Variants in PTPRD observed in about 807,000 individuals in gnomAD.
PTPRD encodes receptor-type tyrosine-protein phosphatase delta.
A neutral mutation model predicts 214.5 loss-of-function variants in PTPRD; 34 were observed. The ratio of observed to expected loss-of-function variants is 0.16; its 90% CI spans 0.12 to 0.21. The LOEUF (loss-of-function observed/expected upper bound fraction) is 0.21. PTPRD is among the 10% of genes least tolerant of loss of function. PTPRD has a pLI of 1.00. For synonymous variants in PTPRD, 1,128 were observed against 845.7 expected, an observed-to-expected ratio of 1.33 and a Z score of -5.79; for missense variants, 2,545 against 2,398.7, an observed-to-expected ratio of 1.06 and a Z score of -1.27.
At chr9:9,276,013 G>A (rs1421074442) in intron 9 of PTPRD, among the ~76,000 whole-genome samples, 2 of 151,244 alleles carry the variant, frequency 1.3e-5, no homozygotes, top group Admixed American at 6.6e-5. Flanking sequence ...CAAATTTCTC[G>A]GGATAATAAA....
intron 7 of PTPRD, among the ~76,000 whole-genome samples, chr9:9,593,614 C>T (rs2092988241): frequency 6.6e-6 from 1 of 151,738 alleles, no homozygotes; most frequent in Admixed American, 6.6e-5. Context: ...TGGAGGCAGC[C>T]CCACAGAGCA....
chr9:8,727,901 G>T (rs1335295594), intron 12 of PTPRD, among the ~76,000 whole-genome samples: 4 of 152,060 alleles, frequency 2.6e-5, no homozygotes, highest in African/African-American at 9.7e-5. Flanking sequence ...ACAATTCAAT[G>T]GTATTTAGTA....
intron 8 of PTPRD, among the ~76,000 whole-genome samples, chr9:9,530,677 G>A (rs1056753913): frequency 6.6e-6 from 1 of 152,104 alleles, no homozygotes; most frequent in African/African-American, 2.4e-5. Flanking sequence ...CACACACAAT[G>A]ACACACAATG....
intron 9 of PTPRD, among the ~76,000 whole-genome samples, chr9:9,209,751 T>C (rs2099947318): frequency 1.3e-5 from 2 of 152,180 alleles, no homozygotes; most frequent in African/African-American, 2.4e-5. Flanking sequence ...TGTTTAAAAT[T>C]TTCAATAGAA....
intron 2 of PTPRD, among the ~76,000 whole-genome samples, chr9:10,356,599 A>G (rs749425243): frequency 1.3e-5 from 2 of 152,168 alleles, no homozygotes; most frequent in Non-Finnish European, 2.9e-5. Context: ...ATGCGTTTTT[A>G]CCTTAAATCT....
chr9:8,834,250 G>A (rs537867312), intron 11 of PTPRD, among the ~76,000 whole-genome samples: 4 of 152,018 alleles, frequency 2.6e-5, no homozygotes, highest in East Asian at 1.9e-4. Flanking sequence ...GCTTTCTTAC[G>A]TAGATTTATT....
At chr9:10,516,346 T>C (rs1200223541) in intron 2 of PTPRD, among the ~76,000 whole-genome samples, 2 of 151,954 alleles carry the variant, frequency 1.3e-5, no homozygotes, top group Admixed American at 6.6e-5. Context: ...CATTCTTATA[T>C]ATCTGTTAGC....
At chr9:9,361,624 A>G (rs2056192406) in intron 9 of PTPRD, among the ~76,000 whole-genome samples, 1 of 151,046 alleles carries the variant, frequency 6.6e-6, no homozygotes, top group Non-Finnish European at 1.5e-5. Flanking sequence ...CACTTTAAAT[A>G]TGTATCTTTT....
At chr9:8,929,281 AT>A (rs1451626009) in intron 11 of PTPRD, among the ~76,000 whole-genome samples, 1 of 152,078 alleles carries the variant, frequency 6.6e-6, no homozygotes, top group East Asian at 1.9e-4. Context: ...TTCAAAGGGA[AT>A]CCTTTCAGCT....
At chr9:8,330,490 T>TGCCTGTATTTGATTC (rs1321467505) in intron 44 of PTPRD, among the ~76,000 whole-genome samples, 2 of 152,216 alleles carry the variant, frequency 1.3e-5, no homozygotes, top group Non-Finnish European at 2.9e-5. Flanking sequence ...CTCTGAGGTA[T>TGCCTGTATTTGATTC]GCCTGTATTT....
intron 5 of PTPRD, among the ~76,000 whole-genome samples, chr9:9,792,707 T>A (rs1025210141): frequency 7.9e-5 from 12 of 152,142 alleles, no homozygotes; most frequent in African/African-American, 2.9e-4. Context: ...TAATAGCTCA[T>A]TGAAAATCAG....
intron 3 of PTPRD, among the ~76,000 whole-genome samples, chr9:10,146,784 G>A (rs1490585728): frequency 6.6e-6 from 1 of 152,024 alleles, no homozygotes; most frequent in African/African-American, 2.4e-5. Context: ...AGAAAAAAAA[G>A]AGGTTTGGGG....
rs113413177 is a variant in PTPRD, at chr9:9,173,323, A to G, written c.-143+9981T>C. 2.9e-3 allele frequency among the ~76,000 whole-genome samples: 444 copies of G among 152,284 alleles called. 3 individuals carry two copies. The highest frequency in any genetic ancestry group is 0.014 in the Middle Eastern group (4 of 294). ...AGTGCTGATTTCAAGTCTGGTATTC[A>G]GCAAGTAAAATGAACTTCCATTCTG... On this transcript the variant is annotated intron_variant, in intron 10 of 45. Transcript: ENST00000381196.
chr9:9,864,620 G>A (rs1201984652), intron 5 of PTPRD, among the ~76,000 whole-genome samples: 1 of 152,116 alleles, frequency 6.6e-6, no homozygotes, highest in Non-Finnish European at 1.5e-5. Flanking sequence ...TTGGGCTCAA[G>A]TGATCCTCCT....
At chr9:9,303,750 C>T (rs1595477776) in intron 9 of PTPRD, among the ~76,000 whole-genome samples, 1 of 151,978 alleles carries the variant, frequency 6.6e-6, no homozygotes, top group Admixed American at 6.6e-5. Flanking sequence ...TAAAGTGAAC[C>T]AAGATACAGT....
At chr9:9,775,714 C>T (rs879879020) in intron 5 of PTPRD, among the ~76,000 whole-genome samples, 5 of 151,998 alleles carry the variant, frequency 3.3e-5, no homozygotes, top group Admixed American at 1.3e-4. Flanking sequence ...GAGGCCAAGG[C>T]GGGTGGATCA....
chr9:10,264,357 C>A (rs1172174093), intron 3 of PTPRD, among the ~76,000 whole-genome samples: 1 of 152,172 alleles, frequency 6.6e-6, no homozygotes, highest in Non-Finnish European at 1.5e-5. Context: ...AGGAGAGGGG[C>A]TGTACCCTGC....
rs540200741 is a variant in PTPRD at position 8,609,414 on chromosome 9, T to C, written c.352+23903A>G. On this transcript the variant is annotated intron_variant, in intron 14 of 45. Transcript: ENST00000381196. ...GTTTTGTCATCTTTTCTTACCTTTA[T>C]TTTAGATTGATGAGTTGTGAAAAGC... Among the ~76,000 whole-genome samples the C allele has an allele frequency of 5.3e-5, 8 of 152,362 alleles. No individual in the cohort carries two copies. The South Asian group carries it at 1.5e-3, about 28-fold the overall frequency.
Position 8,725,132 on chromosome 9 carries a change from T to C in PTPRD, c.64+8648A>G, listed in dbSNP as rs560365861. Among the ~76,000 whole-genome samples the C allele has an allele frequency of 1.5e-4, 23 of 152,322 alleles. No homozygotes were observed. In the East Asian group the frequency reaches 4.1e-3, roughly 27 times the overall value. ...ATGGAAAATTCCTGTATGATTGTTG[T>C]AATGTCTTTTAAGTGTAAAATTATT... On this transcript the variant is annotated intron_variant, in intron 12 of 45. Coordinates refer to ENST00000381196, the MANE Select transcript of PTPRD (RefSeq NM_002839.4).
Sources: allele counts gnomAD v4.1 joint callset (sites outside exome capture counted in the v4.1 genomes callset), GRCh38; gene constraint gnomAD v4.1.1; transcripts MANE v1.5; gene names NCBI Gene and HGNC (gene_info 2026-07-23, HGNC 2026-07-21).